PCDH15: variants seen among roughly 807,000 people sequenced by gnomAD.
The protein encoded by PCDH15 is protocadherin-15.
Under a neutral mutation model 178.5 loss-of-function variants are expected in PCDH15, and 129 were observed. The observed-to-expected ratio is 0.72, with a 90% confidence interval of 0.63 to 0.84. PCDH15 has a LOEUF of 0.84. Among genes scored for constraint, PCDH15 ranks in the 40% least tolerant of loss-of-function variants. PCDH15 has a pLI of 0.00. For synonymous variants in PCDH15, 800 were observed against 732.0 expected (o/e 1.09, Z -1.50); for missense variants, 2,230 against 2,099.9 (o/e 1.06, Z -1.21).
intron 29 of PCDH15, 107 bp from the exon 30 acceptor site, chr10:53,831,640 C>A: frequency 2.6e-6 from 2 of 782,316 alleles, no homozygotes; most frequent in Non-Finnish European, 4.1e-6. Context: ...AATTGAAACA[C>A]AAGCTGAGTC....
At chr10:53,964,572 G>A (rs950989912) in intron 21 of PCDH15, among the ~76,000 whole-genome samples, 1 of 145,552 alleles carries the variant, frequency 6.9e-6, no homozygotes, top group Non-Finnish European at 1.5e-5. Context: ...CATCAAGGGT[G>A]CCCAGACACT....
In PCDH15 at chr10:53,811,615, A is replaced by G; in HGVS notation, c.4496T>C (p.Leu1499Ser). 1 of 1,550,746 alleles carries G rather than the reference A, an allele frequency of 6.4e-7. No individual in the cohort carries two copies. The highest frequency in any genetic ancestry group is 8.7e-7 in the Non-Finnish European group (1 of 1,147,920). ...LRPSLLKPEE[L>S]SMESGIDPGQ... ...AGGATCAATTCCAGACTCCATGGAT[A>G]ATTCCTATTGTTCAAAAAGAAAAAT... Residue 1499 changes from leucine (L) to serine (S), a missense_variant, in exon 36 of 38, where the codon TTA becomes TCA. Leu to Ser is a moderately radical substitution (Grantham distance 145). Coordinates refer to ENST00000644397, the MANE Select transcript of PCDH15 (RefSeq NM_001384140.1).
chr10:54,684,667 TAAG>T (rs1434135484), intron 1 of PCDH15, among the ~76,000 whole-genome samples: 1 of 152,048 alleles, frequency 6.6e-6, no homozygotes, highest in African/African-American at 2.4e-5. Context: ...AGAAAATATT[TAAG>T]AAGGGAGGAA....
At position 53,824,786 on chromosome 10, in the gene PCDH15, C is replaced by A. The variant is rs1216228500; in HGVS notation, c.4367+2607G>T. ...AAGCACCCAATGGATATAACAATATCACATCACTTTGACTAAAAGAAATCT... is the reference window on the plus strand; with the variant it reads ...AAGCACCCAATGGATATAACAATATAACATCACTTTGACTAAAAGAAATCT... On this transcript the variant is annotated intron_variant, in intron 32 of 37. Transcript: ENST00000644397. Among the ~76,000 whole-genome samples, 3 of 151,934 alleles carry A rather than the reference C, an allele frequency of 2.0e-5. No homozygotes were observed. The East Asian group carries it at 5.8e-4, about 29-fold the overall frequency.
At chr10:55,096,715 A>G (rs1842456939) in intron 2 of PCDH15, among the ~76,000 whole-genome samples, 3 of 152,134 alleles carry the variant, frequency 2.0e-5, no homozygotes, top group Admixed American at 2.0e-4. Flanking sequence ...GATTTCACAT[A>G]TAAATGAGAT....
chr10:55,592,501 C>T (rs1179073269), intron 2 of PCDH15, among the ~76,000 whole-genome samples: 3 of 152,156 alleles, frequency 2.0e-5, no homozygotes, highest in Non-Finnish European at 2.9e-5. Flanking sequence ...TTTACCTCTC[C>T]CCTATAGGAC....
chr10:55,138,243 A>G (rs1387376113), intron 2 of PCDH15, among the ~76,000 whole-genome samples: 1 of 152,146 alleles, frequency 6.6e-6, no homozygotes, highest in Non-Finnish European at 1.5e-5. Context: ...AATACTTATA[A>G]TAAAAAATGT....
At chr10:55,145,685 G>A (rs1245008671) in intron 2 of PCDH15, among the ~76,000 whole-genome samples, 1 of 151,928 alleles carries the variant, frequency 6.6e-6, no homozygotes, top group Non-Finnish European at 1.5e-5. Flanking sequence ...CTGCCTAAAT[G>A]TAAATCATCA....
At chr10:55,517,253 G>A (rs1841038952) in intron 2 of PCDH15, among the ~76,000 whole-genome samples, 1 of 152,026 alleles carries the variant, frequency 6.6e-6, no homozygotes, top group Non-Finnish European at 1.5e-5. Flanking sequence ...GATGTTTGTT[G>A]TTGTTTGCTT....
intron 8 of PCDH15, among the ~76,000 whole-genome samples, chr10:54,310,019 T>C (rs752583563): frequency 1.6e-4 from 25 of 152,124 alleles, no homozygotes; most frequent in Non-Finnish European, 2.9e-5. Flanking sequence ...TTAACTGATA[T>C]GAACCTTCAA....
intron 1 of PCDH15, among the ~76,000 whole-genome samples, chr10:54,790,709 A>G (rs1591647284): frequency 6.6e-6 from 1 of 152,020 alleles, no homozygotes; most frequent in East Asian, 1.9e-4. Context: ...GTGAAGATAT[A>G]TATGTTTCCA....
Position 54,796,290 on chromosome 10 carries a change from C to G in PCDH15, c.-29+4635G>C, listed in dbSNP as rs200059616. Among the ~76,000 whole-genome samples the G allele has an allele frequency of 5.7e-3, 576 of 101,494 alleles. 5 individuals carry two copies. Among genetic ancestry groups the G allele is most frequent in the Middle Eastern group, 0.021 (3 of 140 alleles). 66.6% of individuals were successfully genotyped at this position (101,494 alleles called of 152,430 possible). A position where few individuals can be genotyped will look rare whatever the true frequency, so the allele number is the denominator to read the frequency against. ...TCTATCTATGTATCTATGTATCTAT[C>G]TATCTATCTATCTATCTATCTATCT... On this transcript the variant is annotated intron_variant, in intron 1 of 37. Coordinates refer to ENST00000644397, the MANE Select transcript of PCDH15 (RefSeq NM_001384140.1).
At chr10:54,463,277 C>G (rs1296346518) in intron 3 of PCDH15, among the ~76,000 whole-genome samples, 1 of 152,024 alleles carries the variant, frequency 6.6e-6, no homozygotes, top group Non-Finnish European at 1.5e-5. Context: ...AAATTTCAAG[C>G]TATATAATCT....
At chr10:54,929,910 AT>A (rs1837726673) in intron 2 of PCDH15, among the ~76,000 whole-genome samples, 1 of 152,228 alleles carries the variant, frequency 6.6e-6, no homozygotes. Flanking sequence ...AAAATAAATT[AT>A]TTAAGCAGAT....
rs1941622781 is a variant in PCDH15 at position 54,338,486 on chromosome 10, G to GT, written c.594+7878dup. The stretch of plus-strand genomic sequence containing the variant: ...AAAAATCGTTTGTCCTTAAAATGTG[G>GT]TTTTAACTTCCTGACTCAGGAAATT... On this transcript the variant is annotated intron_variant, in intron 6 of 37. Transcript: ENST00000644397. Among the ~76,000 whole-genome samples the GT allele has an allele frequency of 2.0e-5, 3 of 152,156 alleles. No homozygotes were observed. The South Asian group carries it at 6.2e-4, about 32-fold the overall frequency.
chr10:55,482,435 GT>G (rs1435912055), intron 2 of PCDH15, among the ~76,000 whole-genome samples: 1 of 151,818 alleles, frequency 6.6e-6, no homozygotes, highest in Admixed American at 6.6e-5. Flanking sequence ...AAACTTCAGT[GT>G]TTTTGTAGTG....
At chr10:54,382,044 A>C (rs1047259349) in intron 3 of PCDH15, among the ~76,000 whole-genome samples, 2 of 152,146 alleles carry the variant, frequency 1.3e-5, no homozygotes, top group African/African-American at 4.8e-5. Context: ...GAATAATAAA[A>C]ATCAAAACAA....
rs1470913302 is a variant in PCDH15, at chr10:54,436,041, AGAGAGAGAGAAAAG to A, written c.158-57113_158-57100del. Among the ~76,000 whole-genome samples the A allele has an allele frequency of 2.0e-3, 286 of 140,604 alleles. 4 individuals are homozygous for A. Among genetic ancestry groups the A allele is most frequent in the South Asian group, 7.7e-3 (35 of 4,530 alleles). The allele number at this position is 140,604 out of a possible 152,430, so 92.2% of individuals were successfully genotyped here. ...GGAGAGGAGAGGAGAGGAGAGAGAGAGAGAGAGAGAAAAGAAAGAAAGAAAGAAAGAAGGAAGGA... is the reference window on the plus strand; with the variant it reads ...GGAGAGGAGAGGAGAGGAGAGAGAGAAAAGAAAGAAAGAAAGAAGGAAGGA... On this transcript the variant is annotated intron_variant, in intron 3 of 37. Transcript: ENST00000644397.
In PCDH15 at chr10:54,174,206, A is replaced by G. The variant is rs954020467; in HGVS notation, c.1590+9238T>C. On this transcript the variant is annotated intron_variant, in intron 13 of 37. Coordinates refer to ENST00000644397, the MANE Select transcript of PCDH15 (RefSeq NM_001384140.1). ...AATAATACTCATAGAAGGACATTTC[A>G]CAGGTTTAGGTGAAAGTTGATGGTG... Among the ~76,000 whole-genome samples, 3 of 152,136 alleles carry G rather than the reference A, an allele frequency of 2.0e-5. No individual in the cohort carries two copies. In the East Asian group the frequency reaches 5.8e-4, roughly 29 times the overall value.
Sources: allele counts gnomAD v4.1 joint callset (sites outside exome capture counted in the v4.1 genomes callset), GRCh38; gene constraint gnomAD v4.1.1; transcripts MANE v1.5; gene names NCBI Gene and HGNC (gene_info 2026-07-23, HGNC 2026-07-21).